Variants in KCNH8 observed in about 807,000 individuals in gnomAD.
KCNH8 encodes potassium voltage-gated channel subfamily H member 8.
Under a neutral mutation model 103.6 loss-of-function variants are expected in KCNH8, and 70 were observed. The observed-to-expected ratio is 0.68, with a 90% CI of 0.56 to 0.82. The LOEUF (loss-of-function observed/expected upper bound fraction) is 0.82, where lower values mean the gene tolerates loss of function less well. Among genes scored for constraint, KCNH8 ranks in the 40% least tolerant of loss-of-function variants. The pLI is 0.00. For synonymous variants in KCNH8, 498 were observed against 489.4 expected (o/e 1.02, Z -0.23); for missense variants, 1,217 against 1,329.9 (o/e 0.92, Z 1.32).
intron 3 of KCNH8, among the ~76,000 whole-genome samples, chr3:19,302,577 A>C (rs1489192494): frequency 6.6e-6 from 1 of 152,116 alleles, no homozygotes; most frequent in East Asian, 1.9e-4. Context: ...CAATCATCCC[A>C]TTAGATTTTC....
intron 1 of KCNH8, among the ~76,000 whole-genome samples, chr3:19,231,449 C>T (rs1219877215): frequency 6.6e-6 from 1 of 152,024 alleles, no homozygotes; most frequent in Non-Finnish European, 1.5e-5. Context: ...ACTTTTTTTA[C>T]ATTTACATTT....
chr3:19,450,047 T>C, intron 8 of KCNH8, 59 bp from the exon 9 acceptor site: 1 of 1,391,550 alleles, frequency 7.2e-7, no homozygotes, highest in South Asian at 1.2e-5. Flanking sequence ...AATTTAGATT[T>C]ACGTGGTGGG....
At chr3:19,437,562 C>A (rs1223069455) in intron 7 of KCNH8, among the ~76,000 whole-genome samples, 2 of 152,072 alleles carry the variant, frequency 1.3e-5, no homozygotes, top group African/African-American at 4.8e-5. Context: ...TTCCCCCTTC[C>A]AACCCTAATT....
intron 3 of KCNH8, among the ~76,000 whole-genome samples, chr3:19,286,045 T>A (rs2064827798): frequency 6.6e-6 from 1 of 152,186 alleles, no homozygotes. Flanking sequence ...AGCAAGTAGT[T>A]GACCTTTGTT....
In KCNH8 at chr3:19,510,378, T is replaced by C. The variant is rs1255678798; in HGVS notation, c.2056T>C (p.Ser686Pro). 1.1e-5 allele frequency: 17 copies of C among 1,582,974 alleles called. No homozygotes were observed. Among genetic ancestry groups the C allele is most frequent in the Non-Finnish European group, 1.5e-5 (17 of 1,152,000 alleles). ...GHESDVISRLSNKSMVSQSEP... is the reference protein window; with the variant it reads ...GHESDVISRLPNKSMVSQSEP... ...GTTCTTTCAGGTGATATCAAGACTA[T>C]CAAACAAATCTATGGTCTCACAGGT... is the stretch of plus-strand genomic sequence containing the variant. The change falls in exon 12 of 16, where the codon TCA becomes CCA. Residue 686 changes from serine (S) to proline (P), a missense_variant. Physicochemically the swap from Ser to Pro is moderately conservative, Grantham distance 74. Around this residue, in one of 3 missense-constraint regions of KCNH8, gnomAD observed 558 missense variants for 495.8 expected, o/e 1.13. Coordinates refer to ENST00000328405, the MANE Select transcript of KCNH8 (RefSeq NM_144633.3).
intron 1 of KCNH8, among the ~76,000 whole-genome samples, chr3:19,205,418 T>C (rs1287174677): frequency 6.6e-6 from 1 of 152,076 alleles, no homozygotes; most frequent in Non-Finnish European, 1.5e-5. Context: ...TCTTCAGGTG[T>C]ATATAGTCAG....
intron 1 of KCNH8, among the ~76,000 whole-genome samples, chr3:19,245,370 A>C (rs969584951): frequency 3.3e-5 from 5 of 152,172 alleles, no homozygotes; most frequent in Admixed American, 2.0e-4. Context: ...GCCTTATAGC[A>C]TACTTTGAAG....
At chr3:19,298,877 G>A (rs1045039536) in intron 3 of KCNH8, among the ~76,000 whole-genome samples, 9 of 146,638 alleles carry the variant, frequency 6.1e-5, no homozygotes, top group Non-Finnish European at 1.0e-4. Flanking sequence ...AGCCGAGATC[G>A]CGCCACTGCA....
intron 1 of KCNH8, among the ~76,000 whole-genome samples, chr3:19,180,499 C>T (rs907477855): frequency 1.3e-5 from 2 of 152,102 alleles, no homozygotes; most frequent in African/African-American, 4.8e-5. Flanking sequence ...GAATTGCCAA[C>T]GTTATAACAA....
At chr3:19,200,601 T>A (rs1405781768) in intron 1 of KCNH8, among the ~76,000 whole-genome samples, 2 of 151,970 alleles carry the variant, frequency 1.3e-5, no homozygotes, top group South Asian at 4.1e-4. Context: ...TACCTATTTT[T>A]AAAAAAACTT....
At position 19,515,394 on chromosome 3, in the gene KCNH8, C is replaced by G; in HGVS notation, c.2508C>G (p.Ile836Met). The G allele has an allele frequency of 6.4e-7, 1 of 1,562,296 alleles. No individual in the cohort carries two copies. Among genetic ancestry groups the G allele is most frequent in the Non-Finnish European group, 8.7e-7 (1 of 1,154,232 alleles). Residue 836 changes from isoleucine (I) to methionine (M), a missense_variant, in exon 14 of 16, where the codon ATC becomes ATG. By Grantham distance (10) the Ile-to-Met change is conservative. This residue lies in a region of KCNH8 where 558 missense variants were observed against 495.8 expected (regional missense o/e 1.13). Coordinates refer to ENST00000328405, the MANE Select transcript of KCNH8 (RefSeq NM_144633.3). ...CTTTTGATTTTGGCTCTGAACGAAT[C>G]AGATCAGAGCCCAGAATTTCTCCTC... ...SQTFDFGSER[I>M]RSEPRISPPL...
At chr3:19,328,769 C>G (rs534230414) in intron 3 of KCNH8, among the ~76,000 whole-genome samples, 6 of 152,198 alleles carry the variant, frequency 3.9e-5, no homozygotes, top group African/African-American at 1.4e-4. Context: ...AAAGAAACTC[C>G]TAACCGATAT....
chr3:19,529,669 C>T (rs1476883852), intron 15 of KCNH8, among the ~76,000 whole-genome samples: 1 of 152,264 alleles, frequency 6.6e-6, no homozygotes, highest in East Asian at 1.9e-4. Flanking sequence ...TTTTCTGTGG[C>T]AGTATGTTGT....
intron 1 of KCNH8, among the ~76,000 whole-genome samples, chr3:19,189,316 G>A (rs1005206536): frequency 8.6e-5 from 13 of 151,910 alleles, no homozygotes; most frequent in Non-Finnish European, 2.9e-5. Context: ...TCTAACAAAT[G>A]TTTCATATGA....
chr3:19,233,831 G>C (rs534379583), intron 1 of KCNH8, among the ~76,000 whole-genome samples: 1 of 152,188 alleles, frequency 6.6e-6, no homozygotes, highest in East Asian at 1.9e-4. Context: ...CGTGTCTGGA[G>C]TTTGTTCCTT....
At chr3:19,476,834 A>C (rs1313902591) in intron 11 of KCNH8, among the ~76,000 whole-genome samples, 1 of 152,126 alleles carries the variant, frequency 6.6e-6, no homozygotes, top group Non-Finnish European at 1.5e-5. Context: ...AAGCTTTTAA[A>C]TAGGTATCAA....
At chr3:19,185,223 C>G (rs893855065) in intron 1 of KCNH8, among the ~76,000 whole-genome samples, 1 of 151,760 alleles carries the variant, frequency 6.6e-6, no homozygotes, top group African/African-American at 2.4e-5. Flanking sequence ...TTTAGAGTGG[C>G]AATACAATTT....
At chr3:19,188,793 G>GTGTT (rs200367797) in intron 1 of KCNH8, among the ~76,000 whole-genome samples, 1 of 151,872 alleles carries the variant, frequency 6.6e-6, no homozygotes, top group African/African-American at 2.4e-5. Context: ...TATTCCACAA[G>GTGTT]TGTTTGTTTG....
At chr3:19,297,181 G>A (rs1333598105) in intron 3 of KCNH8, among the ~76,000 whole-genome samples, 1 of 152,156 alleles carries the variant, frequency 6.6e-6, no homozygotes, top group Non-Finnish European at 1.5e-5. Context: ...AGATAGAAGG[G>A]AAGAATAGGG....
Sources: gnomAD v4.1 joint callset for allele counts (sites outside exome capture counted in the v4.1 genomes callset) on GRCh38, gnomAD v4.1.1 for gene constraint, gnomAD v4.1.1 regional missense constraint, MANE v1.5 for transcripts, NCBI Gene and HGNC (gene_info 2026-07-23, HGNC 2026-07-21) for gene names.